CAMKMT: variants seen among roughly 807,000 people sequenced by gnomAD.
CAMKMT encodes the protein CaM KMT.
A neutral mutation model predicts 48.0 loss-of-function variants in CAMKMT; 53 were observed. The ratio of observed to expected loss-of-function variants is 1.10; its 90% CI spans 0.89 to 1.39. CAMKMT has a LOEUF of 1.39. CAMKMT is among the 40% of genes most tolerant of loss of function. The probability of loss-of-function intolerance (pLI) is 0.00; values close to 1 mark genes in which losing one functional copy is unlikely to be tolerated. For missense variants in CAMKMT, 428 were observed against 402.7 expected (o/e 1.06, Z -0.54); for synonymous variants, 165 against 152.3 (o/e 1.08, Z -0.61).
intron 3 of CAMKMT, among the ~76,000 whole-genome samples, chr2:44,494,886 G>T (rs1669684052): frequency 6.6e-6 from 1 of 152,184 alleles, no homozygotes; most frequent in African/African-American, 2.4e-5. Flanking sequence ...TCAGAGCACT[G>T]TGCTTAGCAC....
intron 3 of CAMKMT, among the ~76,000 whole-genome samples, chr2:44,442,458 T>C (rs1265395401): frequency 6.6e-6 from 1 of 152,176 alleles, no homozygotes; most frequent in Non-Finnish European, 1.5e-5. Flanking sequence ...ATGGCACCCT[T>C]GTAGTCCTTC....
intron 3 of CAMKMT, among the ~76,000 whole-genome samples, chr2:44,680,781 G>A (rs545532780): frequency 2.0e-5 from 3 of 152,276 alleles, no homozygotes; most frequent in South Asian, 4.1e-4. Context: ...ACTGCCTCAT[G>A]TAAAATAAGT....
chr2:44,691,849 G>A (rs1676672844), intron 3 of CAMKMT, among the ~76,000 whole-genome samples: 1 of 152,088 alleles, frequency 6.6e-6, no homozygotes, highest in South Asian at 2.1e-4. Flanking sequence ...ATAAATTATA[G>A]AGTGTCACAG....
intron 3 of CAMKMT, among the ~76,000 whole-genome samples, chr2:44,593,470 G>T (rs1670442118): frequency 6.6e-6 from 1 of 151,996 alleles, no homozygotes; most frequent in African/African-American, 2.4e-5. Context: ...GTTTTTTCCA[G>T]ACTTTCAACT....
chr2:44,647,729 C>A (rs1673815870), intron 3 of CAMKMT, among the ~76,000 whole-genome samples: 1 of 151,540 alleles, frequency 6.6e-6, no homozygotes, highest in South Asian at 2.1e-4. Context: ...CACGGTGAAA[C>A]CCCGTCTCTA....
rs535149255 is a variant in CAMKMT, at chr2:44,529,214, A to G, written c.376+138909A>G. Among the ~76,000 whole-genome samples the G allele has an allele frequency of 2.0e-5, 3 of 152,316 alleles. No homozygotes were observed. In the South Asian group the frequency reaches 6.2e-4, roughly 32 times the overall value. On this transcript the variant is annotated intron_variant, in intron 3 of 10. Transcript: ENST00000378494. ...TTTGGTTTGTTTCTTTAATATCATT[A>G]TGAACTCCTAGATTTTTTAACCTAT...
chr2:44,725,434 G>C (rs914408880), intron 7 of CAMKMT, among the ~76,000 whole-genome samples: 6 of 152,094 alleles, frequency 3.9e-5, no homozygotes, highest in African/African-American at 1.4e-4. Context: ...GTAAGCTCAA[G>C]ATGTCCAGAC....
At chr2:44,424,937 CAG>C (rs1684183738) in intron 3 of CAMKMT, among the ~76,000 whole-genome samples, 2 of 152,134 alleles carry the variant, frequency 1.3e-5, no homozygotes, top group Admixed American at 6.5e-5. Context: ...AAAAAGAACA[CAG>C]AGTGGAATGG....
chr2:44,628,474 T>C (rs577454558), intron 3 of CAMKMT, among the ~76,000 whole-genome samples: 1 of 152,200 alleles, frequency 6.6e-6, no homozygotes, highest in South Asian at 2.1e-4. Flanking sequence ...AGCTAATTAT[T>C]TGGGGCTTAA....
chr2:44,761,426 T>C (rs1680614719), intron 9 of CAMKMT, among the ~76,000 whole-genome samples: 1 of 152,174 alleles, frequency 6.6e-6, no homozygotes. Context: ...ACCAAGAAGG[T>C]GGGACCTAAG....
At chr2:44,651,895 G>A (rs1044083936) in intron 3 of CAMKMT, among the ~76,000 whole-genome samples, 2 of 152,198 alleles carry the variant, frequency 1.3e-5, no homozygotes, top group Non-Finnish European at 2.9e-5. Context: ...TTTGCTCACA[G>A]TAGTATTGTA....
rs1278253995 is a variant in CAMKMT at position 44,538,560 on chromosome 2, G to T, written c.376+148255G>T. The stretch of plus-strand genomic sequence containing the variant: ...TATGGTTTATTCTCACTTATAAGTG[G>T]GAACTAAACTATGAGAATGCAAAGA... On this transcript the variant is annotated intron_variant, in intron 3 of 10. Coordinates refer to ENST00000378494, the MANE Select transcript of CAMKMT (RefSeq NM_024766.5). Among the ~76,000 whole-genome samples, 7 of 152,072 alleles carry T rather than the reference G, an allele frequency of 4.6e-5. No homozygotes were observed. In the East Asian group the frequency reaches 7.7e-4, roughly 17 times the overall value.
chr2:44,472,110 G>T (rs571738415), intron 3 of CAMKMT, among the ~76,000 whole-genome samples: 1 of 152,240 alleles, frequency 6.6e-6, no homozygotes, highest in South Asian at 2.1e-4. Flanking sequence ...TCGCTCTGTT[G>T]CCCCGGCTGG....
intron 9 of CAMKMT, among the ~76,000 whole-genome samples, chr2:44,761,396 C>T (rs1040396104): frequency 4.6e-5 from 7 of 152,156 alleles, no homozygotes; most frequent in African/African-American, 1.4e-4. Flanking sequence ...GGGCCGGTCA[C>T]GTGGGGCTTT....
chr2:44,535,607 T>A (rs940080093), intron 3 of CAMKMT, among the ~76,000 whole-genome samples: 2 of 152,170 alleles, frequency 1.3e-5, no homozygotes, highest in African/African-American at 2.4e-5. Flanking sequence ...CAAACGTGAT[T>A]CATCACACCA....
At chr2:44,470,830 A>G (rs933177478) in intron 3 of CAMKMT, among the ~76,000 whole-genome samples, 1 of 151,998 alleles carries the variant, frequency 6.6e-6, no homozygotes, top group African/African-American at 2.4e-5. Flanking sequence ...CTTTTCATGT[A>G]TTTGAGGTCC....
chr2:44,408,513 T>TTATCTTAACCTACCCAAG (rs1232590292), intron 3 of CAMKMT, among the ~76,000 whole-genome samples: 1 of 136,996 alleles, frequency 7.3e-6, no homozygotes, highest in Non-Finnish European at 1.5e-5. Flanking sequence ...ATTTCCTATT[T>TTATCTTAACCTACCCAAG]ATTTCTTTAC....
At chr2:44,672,637 A>G (rs1322862835) in intron 3 of CAMKMT, among the ~76,000 whole-genome samples, 3 of 152,206 alleles carry the variant, frequency 2.0e-5, no homozygotes, top group Admixed American at 6.5e-5. Context: ...CCCCGGGAGT[A>G]TAAAGAGCTT....
intron 8 of CAMKMT, among the ~76,000 whole-genome samples, chr2:44,746,594 T>A (rs933211002): frequency 1.3e-5 from 2 of 152,226 alleles, no homozygotes; most frequent in Admixed American, 1.3e-4. Context: ...AGTTTCATGG[T>A]TCAGCAGTTC....
Sources: allele counts gnomAD v4.1 joint callset (sites outside exome capture counted in the v4.1 genomes callset), GRCh38; gene constraint gnomAD v4.1.1; transcripts MANE v1.5; gene names NCBI Gene and HGNC (gene_info 2026-07-23, HGNC 2026-07-21).